CCDC7: variants seen among roughly 807,000 people sequenced by gnomAD.
CCDC7 encodes the protein coiled-coil domain-containing protein 7.
CCDC7 carries 183 observed loss-of-function variants against 196.9 expected under a neutral mutation model. That is an observed-to-expected ratio of 0.93 (90% CI 0.82 to 1.05). The LOEUF (loss-of-function observed/expected upper bound fraction) is 1.05. Ranked by LOEUF, CCDC7 falls within the 50% of genes least tolerant of loss-of-function variation. CCDC7 has a pLI of 0.00. For missense variants in CCDC7, 1,540 were observed against 1,482.2 expected, an observed-to-expected ratio of 1.04 and a Z score of -0.64; for synonymous variants, 525 against 484.6, an observed-to-expected ratio of 1.08 and a Z score of -1.10.
At chr10:32,522,559 C>T (rs550034350) in intron 11 of CCDC7, among the ~76,000 whole-genome samples, 80 of 152,110 alleles carry the variant, frequency 5.3e-4, no homozygotes, top group Non-Finnish European at 8.5e-4. Flanking sequence ...TCTTTCTCTT[C>T]TTTTCATAGT....
At chr10:32,831,675 C>T (rs1329833589) in intron 32 of CCDC7, among the ~76,000 whole-genome samples, 1 of 152,112 alleles carries the variant, frequency 6.6e-6, no homozygotes, top group East Asian at 1.9e-4. Context: ...GAATCAAGAT[C>T]ATCAGTATCA....
intron 28 of CCDC7, among the ~76,000 whole-genome samples, chr10:32,765,520 T>A (rs2078144869): frequency 6.6e-6 from 1 of 152,020 alleles, no homozygotes; most frequent in African/African-American, 2.4e-5. Context: ...TCCTGACCTG[T>A]GGAGTAAGGA....
chr10:32,856,485 G>A (rs907766882), intron 41 of CCDC7, among the ~76,000 whole-genome samples: 1 of 152,102 alleles, frequency 6.6e-6, no homozygotes, highest in African/African-American at 2.4e-5. Flanking sequence ...CCCTGGATTG[G>A]GAAAGCCCTC....
intron 32 of CCDC7, among the ~76,000 whole-genome samples, chr10:32,829,392 T>C (rs764613974): frequency 2.6e-5 from 4 of 152,228 alleles, no homozygotes; most frequent in South Asian, 2.1e-4. Flanking sequence ...AGGACTGTAA[T>C]TGTCATGAGT....
intron 24 of CCDC7, among the ~76,000 whole-genome samples, chr10:32,702,421 A>G (rs1045069963): frequency 6.6e-6 from 1 of 152,116 alleles, no homozygotes; most frequent in African/African-American, 2.4e-5. Flanking sequence ...ACATTTGCTG[A>G]GGAGTGCTTT....
intron 29 of CCDC7, among the ~76,000 whole-genome samples, chr10:32,794,307 T>C (rs2083199369): frequency 6.6e-6 from 1 of 152,236 alleles, no homozygotes; most frequent in Admixed American, 6.5e-5. Flanking sequence ...CCATATTTTC[T>C]TTATCCAGTC....
intron 28 of CCDC7, among the ~76,000 whole-genome samples, chr10:32,743,115 C>T (rs2086158343): frequency 6.6e-6 from 1 of 152,148 alleles, no homozygotes. Context: ...AATAAAGCTG[C>T]TGTAAACATC....
intron 20 of CCDC7, among the ~76,000 whole-genome samples, chr10:32,654,928 C>G: frequency 6.6e-6 from 1 of 152,164 alleles, no homozygotes; most frequent in East Asian, 1.9e-4. Flanking sequence ...TCAGCCCCAA[C>G]CTGGTAGTGC....
At chr10:32,730,377 A>T (rs1271766630) in intron 28 of CCDC7, among the ~76,000 whole-genome samples, 5 of 151,826 alleles carry the variant, frequency 3.3e-5, no homozygotes, top group African/African-American at 1.2e-4. Flanking sequence ...TATTTCTCCT[A>T]CATGGTATGT....
At chr10:32,712,638 G>T (rs1370524518) in intron 25 of CCDC7, among the ~76,000 whole-genome samples, 2 of 152,194 alleles carry the variant, frequency 1.3e-5, no homozygotes, top group Non-Finnish European at 2.9e-5. Flanking sequence ...CTTGTGGAAA[G>T]ATATTAGTGG....
chr10:32,649,157 G>T (rs61681583), intron 20 of CCDC7, among the ~76,000 whole-genome samples: 7,986 of 152,160 alleles, frequency 0.052, 708 homozygotes, highest in African/African-American at 0.18. Flanking sequence ...GGCACCTGTG[G>T]GAGTTGTGGT....
chr10:32,508,364 T>C (rs746262310), intron 9 of CCDC7, among the ~76,000 whole-genome samples: 3 of 152,082 alleles, frequency 2.0e-5, no homozygotes, highest in Non-Finnish European at 2.9e-5. Context: ...CACAGAAAAC[T>C]ATAAAACACA....
chr10:32,628,951 T>C (rs1207066560), intron 18 of CCDC7, among the ~76,000 whole-genome samples: 1 of 152,172 alleles, frequency 6.6e-6, no homozygotes, highest in Non-Finnish European at 1.5e-5. Flanking sequence ...CTGCATGTGC[T>C]TGAGAAGAAT....
At chr10:32,593,400 A>AT (rs538615374) in intron 18 of CCDC7, among the ~76,000 whole-genome samples, 22 of 151,808 alleles carry the variant, frequency 1.4e-4, no homozygotes, top group African/African-American at 5.1e-4. Flanking sequence ...GGTTTGTTTG[A>AT]TTTTTTCCTG....
chr10:32,569,046 A>G (rs1351557774), intron 15 of CCDC7, among the ~76,000 whole-genome samples: 1 of 152,232 alleles, frequency 6.6e-6, no homozygotes, highest in Non-Finnish European at 1.5e-5. Context: ...AATGAACCTG[A>G]GCAGAACAGT....
Position 32,871,900 on chromosome 10 carries a change from C to G in CCDC7, c.4112-4447C>G, listed in dbSNP as rs549538264. ...GAGCAGGTTGTTCAGTTTCCATGTCCTTGAGCGGTTTTGAGTGAGTTCCTT... is the reference window on the plus strand; with the variant it reads ...GAGCAGGTTGTTCAGTTTCCATGTCGTTGAGCGGTTTTGAGTGAGTTCCTT... On this transcript the variant is annotated intron_variant, in intron 41 of 41. Transcript: ENST00000639629. 1.6e-4 allele frequency among the ~76,000 whole-genome samples: 24 copies of G among 152,062 alleles called. No individual in the cohort carries two copies. The South Asian group carries it at 4.8e-3, about 30-fold the overall frequency.
intron 3 of CCDC7, among the ~76,000 whole-genome samples, chr10:32,459,757 T>C (rs1057222488): frequency 6.7e-6 from 1 of 149,924 alleles, no homozygotes. Flanking sequence ...ATGTATAGCA[T>C]TTCAGTAGAC....
chr10:32,580,005 A>C (rs983577103), intron 16 of CCDC7, among the ~76,000 whole-genome samples: 1 of 152,018 alleles, frequency 6.6e-6, no homozygotes, highest in Non-Finnish European at 1.5e-5. Flanking sequence ...AGCAGAGCAC[A>C]TTGCAATATT....
At chr10:32,478,836 T>C (rs189559488) in intron 8 of CCDC7, among the ~76,000 whole-genome samples, 227 of 152,264 alleles carry the variant, frequency 1.5e-3, no homozygotes, top group Middle Eastern at 0.014. Flanking sequence ...TCAGGAAATG[T>C]TCTCTGTGTT....
Sources: gnomAD v4.1 joint callset for allele counts (sites outside exome capture counted in the v4.1 genomes callset) on GRCh38, gnomAD v4.1.1 for gene constraint, MANE v1.5 for transcripts, NCBI Gene and HGNC (gene_info 2026-07-23, HGNC 2026-07-21) for gene names.